CDH12: variants seen among roughly 807,000 people sequenced by gnomAD.
CDH12 encodes the protein cadherin 12.
CDH12 carries 41 observed loss-of-function variants against 74.1 expected under a neutral mutation model. The observed-to-expected ratio is 0.55, with a 90% confidence interval of 0.43 to 0.72. The LOEUF is 0.72. Ranked by LOEUF, CDH12 falls within the 30% of genes least tolerant of loss-of-function variation. The pLI, the probability that CDH12 is intolerant of heterozygous loss-of-function variation, is 0.00. For synonymous variants in CDH12, 399 were observed against 355.0 expected (o/e 1.12, Z -1.39); for missense variants, 945 against 977.2 (o/e 0.97, Z 0.44).
chr5:22,499,960 T>C (rs1289561352), intron 2 of CDH12, among the ~76,000 whole-genome samples: 1 of 152,184 alleles, frequency 6.6e-6, no homozygotes, highest in Admixed American at 6.5e-5. Flanking sequence ...TATATTAAAC[T>C]GCAGAATCAG....
intron 3 of CDH12, among the ~76,000 whole-genome samples, chr5:22,233,956 T>C (rs1483277221): frequency 2.6e-5 from 4 of 152,180 alleles, no homozygotes; most frequent in East Asian, 1.9e-4. Context: ...TATTAACTTA[T>C]TATTATGATC....
chr5:22,701,136 A>G (rs1480610976), intron 1 of CDH12, among the ~76,000 whole-genome samples: 2 of 152,100 alleles, frequency 1.3e-5, no homozygotes, highest in African/African-American at 4.8e-5. Context: ...TATTTCTCTA[A>G]CAAGGCCACC....
intron 1 of CDH12, among the ~76,000 whole-genome samples, chr5:22,773,991 T>A (rs1425543197): frequency 6.6e-6 from 1 of 152,090 alleles, no homozygotes; most frequent in Non-Finnish European, 1.5e-5. Flanking sequence ...AAACAACATA[T>A]ACTGGTAAGG....
intron 5 of CDH12, among the ~76,000 whole-genome samples, chr5:21,999,952 A>C (rs1456774451): frequency 6.6e-6 from 1 of 152,148 alleles, no homozygotes; most frequent in Non-Finnish European, 1.5e-5. Flanking sequence ...AGTTTAGTAC[A>C]ATGCAAATAC....
At chr5:22,188,237 T>A (rs1263511250) in intron 4 of CDH12, among the ~76,000 whole-genome samples, 1 of 152,126 alleles carries the variant, frequency 6.6e-6, no homozygotes, top group Non-Finnish European at 1.5e-5. Context: ...TTTGTTCCTG[T>A]GAGAGTGGAT....
chr5:21,828,100 CA>C (rs1411272633), intron 8 of CDH12, among the ~76,000 whole-genome samples: 1 of 151,408 alleles, frequency 6.6e-6, no homozygotes, highest in African/African-American at 2.4e-5. Context: ...TAACACCTTA[CA>C]AAATAAGCTT....
At chr5:21,950,334 A>C (rs928394215) in intron 6 of CDH12, among the ~76,000 whole-genome samples, 1 of 152,314 alleles carries the variant, frequency 6.6e-6, no homozygotes, top group South Asian at 2.1e-4. Context: ...GTGATGCAAC[A>C]TTGTATTTAA....
intron 6 of CDH12, among the ~76,000 whole-genome samples, chr5:21,952,541 T>C (rs1178853262): frequency 6.6e-6 from 1 of 152,314 alleles, no homozygotes; most frequent in South Asian, 2.1e-4. Context: ...CTGTATTCTT[T>C]CCTTCTGTGA....
intron 1 of CDH12, among the ~76,000 whole-genome samples, chr5:22,587,615 C>T (rs77074855): frequency 2.0e-5 from 3 of 152,108 alleles, no homozygotes; most frequent in African/African-American, 7.2e-5. Flanking sequence ...TCCCTTACTG[C>T]AAGTCACTAA....
intron 4 of CDH12, among the ~76,000 whole-genome samples, chr5:22,184,948 C>T (rs1289541571): frequency 3.3e-5 from 5 of 152,072 alleles, no homozygotes; most frequent in African/African-American, 7.2e-5. Context: ...GACTTCATTG[C>T]CCAGATATTA....
In CDH12 at chr5:22,231,700, A is replaced by G. The variant is rs528627800; in HGVS notation, c.-332-19057T>C. Reference sequence around the variant, plus strand: ...AAATTATACTCTTCATGGGATATTAAAAATGACCTCCAAATAAACAGAACA... The same window carrying G: ...AAATTATACTCTTCATGGGATATTAGAAATGACCTCCAAATAAACAGAACA... On this transcript the variant is annotated intron_variant, in intron 3 of 14. Coordinates refer to ENST00000382254, the MANE Select transcript of CDH12 (RefSeq NM_004061.5). Among the ~76,000 whole-genome samples the G allele has an allele frequency of 2.0e-5, 3 of 152,082 alleles. No homozygotes were observed. The East Asian group carries it at 5.8e-4, about 29-fold the overall frequency.
At chr5:22,165,414 T>G (rs1262564255) in intron 4 of CDH12, among the ~76,000 whole-genome samples, 1 of 152,174 alleles carries the variant, frequency 6.6e-6, no homozygotes, top group Non-Finnish European at 1.5e-5. Flanking sequence ...TCTGAACTCT[T>G]ACTTTTTCAA....
intron 1 of CDH12, among the ~76,000 whole-genome samples, chr5:22,814,241 C>T (rs1035817728): frequency 6.6e-6 from 1 of 151,980 alleles, no homozygotes; most frequent in Non-Finnish European, 1.5e-5. Flanking sequence ...CCAGAGATTG[C>T]CCCATCAGTC....
At chr5:22,571,068 C>A (rs1380873239) in intron 1 of CDH12, among the ~76,000 whole-genome samples, 1 of 152,154 alleles carries the variant, frequency 6.6e-6, no homozygotes, top group Non-Finnish European at 1.5e-5. Flanking sequence ...AGAATTGGAG[C>A]AGTGGAGCCT....
intron 2 of CDH12, among the ~76,000 whole-genome samples, chr5:22,464,818 A>C (rs1032158725): frequency 2.6e-5 from 4 of 151,994 alleles, no homozygotes; most frequent in African/African-American, 9.7e-5. Context: ...CCTGGTTAAC[A>C]TGGTGAAACC....
chr5:22,457,149 T>C (rs988063738), intron 2 of CDH12, among the ~76,000 whole-genome samples: 7 of 152,110 alleles, frequency 4.6e-5, no homozygotes, highest in African/African-American at 1.7e-4. Context: ...GCCAAACAAG[T>C]GCCCCAATAA....
chr5:22,549,183 G>C (rs1738458933), intron 1 of CDH12, among the ~76,000 whole-genome samples: 1 of 151,286 alleles, frequency 6.6e-6, no homozygotes, highest in Admixed American at 6.6e-5. Context: ...ATGTTGGCCA[G>C]GCTGGCCTGG....
At chr5:21,893,321 C>T (rs138912308) in intron 6 of CDH12, among the ~76,000 whole-genome samples, 334 of 152,120 alleles carry the variant, frequency 2.2e-3, no homozygotes, top group Non-Finnish European at 3.5e-3. Flanking sequence ...AAAAACAGGG[C>T]CACAATAAAA....
At chr5:22,039,356 C>T (rs1046208435) in intron 5 of CDH12, among the ~76,000 whole-genome samples, 17 of 152,072 alleles carry the variant, frequency 1.1e-4, no homozygotes, top group African/African-American at 4.1e-4. Context: ...GGGGGTGCCT[C>T]AGAGTCACAG....
Sources: gnomAD v4.1 joint callset for allele counts (sites outside exome capture counted in the v4.1 genomes callset) on GRCh38, gnomAD v4.1.1 for gene constraint, MANE v1.5 for transcripts, NCBI Gene and HGNC (gene_info 2026-07-23, HGNC 2026-07-21) for gene names.